The following USP48 variants were observed in gnomAD, a reference collection of about 807,000 sequenced individuals.
USP48 encodes ubiquitin specific peptidase 48.
A neutral mutation model predicts 150.7 loss-of-function variants in USP48; 43 were observed. The observed-to-expected ratio is 0.29, with a 90% CI of 0.22 to 0.37. The LOEUF (loss-of-function observed/expected upper bound fraction) is 0.37, where lower values mean the gene tolerates loss of function less well. Among genes scored for constraint, USP48 ranks in the 10% least tolerant of loss-of-function variants. USP48 has a pLI of 1.00. For missense variants in USP48, 813 were observed against 1,249.6 expected, an observed-to-expected ratio of 0.65 and a Z score of 5.27; for synonymous variants, 396 against 425.9, an observed-to-expected ratio of 0.93 and a Z score of 0.86.
In USP48 at chr1:21,706,022, C is replaced by G. The variant is rs2097671289; in HGVS notation, c.2273+104G>C. On this transcript the variant is annotated intron_variant, in intron 18 of 26. Coordinates refer to ENST00000308271, the MANE Select transcript of USP48 (RefSeq NM_032236.8). ...TTTCAGTGTATGCTGGTGAAAGTAA[C>G]CATGAAGGAAGGGTACAACAAACAG... is the stretch of plus-strand genomic sequence containing the variant. 7 of 1,286,128 alleles carry G rather than the reference C, an allele frequency of 5.4e-6. No individual in the cohort carries two copies. In the African/African-American group the frequency reaches 7.4e-5, roughly 14 times the overall value. 79.7% of individuals were successfully genotyped at this position (1,286,128 alleles called of 1,614,324 possible). A position where few individuals can be genotyped will look rare whatever the true frequency, so the allele number is the denominator to read the frequency against.
chr1:21,731,952 C>G (rs1174779489), intron 9 of USP48, among the ~76,000 whole-genome samples: 1 of 152,110 alleles, frequency 6.6e-6, no homozygotes, highest in Non-Finnish European at 1.5e-5. Context: ...AACTGGAAAA[C>G]ATGAAGTGTT....
intron 1 of USP48, among the ~76,000 whole-genome samples, chr1:21,778,875 G>A (rs911432467): frequency 2.0e-5 from 3 of 151,606 alleles, no homozygotes; most frequent in Non-Finnish European, 2.9e-5. Flanking sequence ...TTTGCCTCCC[G>A]GGTTTATGCC....
intron 24 of USP48, 71 bp from the exon 25 acceptor site, chr1:21,687,310 A>G: frequency 7.3e-7 from 1 of 1,373,654 alleles, no homozygotes; most frequent in Non-Finnish European, 1.0e-6. Flanking sequence ...ATGGCCCATG[A>G]TTCAACTACT....
chr1:21,749,822 C>A, intron 6 of USP48, among the ~76,000 whole-genome samples: 1 of 152,080 alleles, frequency 6.6e-6, no homozygotes, highest in East Asian at 1.9e-4. Context: ...AGGCTGGTTT[C>A]AAACTACTGT....
chr1:21,751,845 C>T (rs763981577), intron 5 of USP48, among the ~76,000 whole-genome samples: 5 of 151,838 alleles, frequency 3.3e-5, no homozygotes, highest in Non-Finnish European at 5.9e-5. Context: ...CGGTGAAACC[C>T]CATCTCTACT....
intron 11 of USP48, 151 bp from the exon 12 acceptor site, chr1:21,724,246 C>A (rs74952104): frequency 2.6e-6 from 2 of 757,496 alleles, no homozygotes; most frequent in Non-Finnish European, 4.4e-6. Flanking sequence ...TTGATGAGTA[C>A]GACACAAAGC....
At chr1:21,700,589 C>CT (rs2097652603) in intron 22 of USP48, among the ~76,000 whole-genome samples, 1 of 152,092 alleles carries the variant, frequency 6.6e-6, no homozygotes, top group Non-Finnish European at 1.5e-5. Context: ...ACACCATCCA[C>CT]AATTTCACTA....
chr1:21,768,685 C>T (rs1203458390), intron 1 of USP48: 3 of 135,338 alleles, frequency 2.2e-5, no homozygotes, highest in Non-Finnish European at 4.7e-5. Context: ...CCCCCCCTTT[C>T]CTTCTAGGAT....
chr1:21,782,861 G>A lies in USP48; in HGVS notation c.97C>T (p.Arg33Cys). ...CGAATGCAGGGCTCCAGCCAGATGC[G>A]GTAAGCGGTCTCGATGTGCTCCTGC... ...VSQEHIETAYRIWLEPCIRGV... is the reference protein window; with the variant it reads ...VSQEHIETAYCIWLEPCIRGV... Residue 33 changes from arginine (R) to cysteine (C), a missense_variant, in exon 1 of 27, where the codon CGC becomes TGC. Arg to Cys is a radical substitution (Grantham distance 180). Transcript: ENST00000308271. The A allele has an allele frequency of 6.4e-7, 1 of 1,560,812 alleles. No homozygotes were observed. The highest frequency in any genetic ancestry group is 8.7e-7 in the Non-Finnish European group (1 of 1,154,078).
chr1:21,747,054 G>A lies in USP48; in HGVS notation c.991+13C>T, dbSNP rs2097796254. The A allele has an allele frequency of 1.3e-6, 2 of 1,587,654 alleles. No homozygotes were observed. Among genetic ancestry groups the A allele is most frequent in the Non-Finnish European group, 1.7e-6 (2 of 1,163,076 alleles). The stretch of plus-strand genomic sequence containing the variant: ...TGAGCATTATAATGTTTACTCCTCA[G>A]TAAAAATATTACCTTTATGTTCCAC... On this transcript the variant is annotated intron_variant, in intron 8 of 26. Transcript: ENST00000308271.
intron 11 of USP48, chr1:21,728,151 G>A (rs1329504971): frequency 2.0e-6 from 2 of 987,780 alleles, no homozygotes; most frequent in Non-Finnish European, 2.4e-6. Context: ...TAATCTAATA[G>A]TATCAAAAAA....
chr1:21,733,708 T>C (rs974759777), intron 9 of USP48, among the ~76,000 whole-genome samples: 8 of 152,134 alleles, frequency 5.3e-5, no homozygotes, highest in Non-Finnish European at 1.2e-4. Context: ...CTTTTAATCC[T>C]AGAATGTAGA....
intron 14 of USP48, among the ~76,000 whole-genome samples, chr1:21,718,427 G>C (rs555655826): frequency 6.6e-6 from 1 of 152,250 alleles, no homozygotes; most frequent in East Asian, 1.9e-4. Context: ...TTTAATGGGG[G>C]AAGGAGAATA....
intron 6 of USP48, 125 bp downstream of exon 6, chr1:21,751,382 T>TG (rs2097813013): frequency 2.8e-6 from 2 of 717,538 alleles, no homozygotes; most frequent in African/African-American, 3.5e-5. Context: ...TCATTACAGA[T>TG]GCTTCTTATG....
intron 4 of USP48, 100 bp downstream of exon 4, chr1:21,752,892 A>C (rs766559179): frequency 1.9e-5 from 27 of 1,419,106 alleles, no homozygotes; most frequent in Non-Finnish European, 2.5e-5. Context: ...GAAAAAATTT[A>C]ATTTTTAAAA....
At chr1:21,730,089 C>T (rs1306562436) in intron 9 of USP48, among the ~76,000 whole-genome samples, 1 of 152,076 alleles carries the variant, frequency 6.6e-6, no homozygotes, top group Admixed American at 6.6e-5. Flanking sequence ...AAACCTAGAA[C>T]AACAACAAAA....
intron 6 of USP48, among the ~76,000 whole-genome samples, chr1:21,750,980 A>G (rs2097811062): frequency 6.6e-6 from 1 of 152,036 alleles, no homozygotes; most frequent in African/African-American, 2.4e-5. Context: ...AAATATCTGA[A>G]GACAGCTAGC....
intron 22 of USP48, 78 bp from the exon 23 acceptor site, chr1:21,695,299 A>T: frequency 6.8e-7 from 1 of 1,460,418 alleles, no homozygotes; most frequent in Non-Finnish European, 9.1e-7. Flanking sequence ...TTTTCAGGTA[A>T]ACAAAAGCTG....
chr1:21,774,006 G>C (rs1248769333), intron 1 of USP48, among the ~76,000 whole-genome samples: 1 of 151,882 alleles, frequency 6.6e-6, no homozygotes, highest in Non-Finnish European at 1.5e-5. Context: ...GCTGGGTGTG[G>C]TGGCTCTACT....
Sources: gnomAD v4.1 joint callset for allele counts (sites outside exome capture counted in the v4.1 genomes callset) on GRCh38, gnomAD v4.1.1 for gene constraint, MANE v1.5 for transcripts, NCBI Gene and HGNC (gene_info 2026-07-23, HGNC 2026-07-21) for gene names.